The following ARSB variants were observed in gnomAD, a reference collection of about 807,000 sequenced individuals.
The protein encoded by ARSB is arylsulfatase B, also known as N-acetylgalactosamine-4-sulfatase.
A neutral mutation model predicts 50.9 loss-of-function variants in ARSB; 41 were observed. The observed-to-expected ratio is 0.81, with a 90% CI of 0.63 to 1.04. The LOEUF (loss-of-function observed/expected upper bound fraction) is 1.04, where lower values mean the gene tolerates loss of function less well. Among genes scored for constraint, ARSB ranks in the 50% least tolerant of loss-of-function variants. The pLI is 0.00. For missense variants in ARSB, 672 were observed against 693.3 expected (o/e 0.97, Z 0.35); for synonymous variants, 269 against 284.8 (o/e 0.94, Z 0.56).
chr5:78,890,594 A>G (rs1014533859), intron 4 of ARSB, among the ~76,000 whole-genome samples: 9 of 152,266 alleles, frequency 5.9e-5, no homozygotes, highest in Non-Finnish European at 1.0e-4. Context: ...AGTTCCCACC[A>G]GAGGTGTTTG....
intron 4 of ARSB, among the ~76,000 whole-genome samples, chr5:78,909,839 G>A (rs1304649102): frequency 6.6e-6 from 1 of 152,180 alleles, no homozygotes; most frequent in Non-Finnish European, 1.5e-5. Flanking sequence ...TTGCAGTTGA[G>A]ATAGAGGAAG....
chr5:78,898,836 T>C (rs964188930), intron 4 of ARSB, among the ~76,000 whole-genome samples: 5 of 152,240 alleles, frequency 3.3e-5, no homozygotes, highest in African/African-American at 9.6e-5. Flanking sequence ...TATGAGTGGA[T>C]TGCATACCAG....
At chr5:78,900,560 T>C (rs1748758348) in intron 4 of ARSB, among the ~76,000 whole-genome samples, 1 of 152,176 alleles carries the variant, frequency 6.6e-6, no homozygotes, top group South Asian at 2.1e-4. Context: ...CTCAAGGTTT[T>C]TCCACTTCTC....
At chr5:78,802,112 T>TTTTTTTTTTTTTTTTTTTGAGAC (rs1743416863) in intron 6 of ARSB, among the ~76,000 whole-genome samples, 1 of 152,060 alleles carries the variant, frequency 6.6e-6, no homozygotes, top group African/African-American at 2.4e-5. Flanking sequence ...CAAAGGTCTT[T>TTTTTTTTTTTTTTTTTTTGAGAC]GTGTTAGCTC....
At chr5:78,871,652 T>C (rs1473777314) in intron 5 of ARSB, among the ~76,000 whole-genome samples, 3 of 139,952 alleles carry the variant, frequency 2.1e-5, no homozygotes, top group South Asian at 2.5e-4. Context: ...TTACACCTTA[T>C]ACAAAAATCA....
At chr5:78,808,042 G>A (rs1319511960) in intron 6 of ARSB, among the ~76,000 whole-genome samples, 6 of 128,354 alleles carry the variant, frequency 4.7e-5, no homozygotes, top group East Asian at 4.6e-4. Context: ...GCAGTGAGCC[G>A]AGATCCCGCC....
rs57088170 is a variant in ARSB, at chr5:78,780,879, G to A, written c.1337-217C>T. Among the ~76,000 whole-genome samples, 7,027 of 152,180 alleles carry A rather than the reference G, an allele frequency of 0.046. 582 individuals carry two copies. The highest frequency in any genetic ancestry group is 0.16 in the African/African-American group (6,676 of 41,460). ...TTCACAAGCAAGGACACCCAGAAAC[G>A]TGTGTGCATGTGTGTATGTCCTTGT... is the stretch of plus-strand genomic sequence containing the variant. On this transcript the variant is annotated intron_variant, in intron 7 of 7. Coordinates refer to ENST00000264914, the MANE Select transcript of ARSB (RefSeq NM_000046.5).
chr5:78,907,910 A>G (rs1489505718), intron 4 of ARSB, among the ~76,000 whole-genome samples: 2 of 152,140 alleles, frequency 1.3e-5, no homozygotes, highest in Non-Finnish European at 2.9e-5. Flanking sequence ...GCCAGTTTTG[A>G]GCCCATCAGT....
intron 4 of ARSB, among the ~76,000 whole-genome samples, chr5:78,937,902 C>G (rs922761300): frequency 6.6e-6 from 1 of 152,118 alleles, no homozygotes; most frequent in Non-Finnish European, 1.5e-5. Flanking sequence ...GAGGATGATT[C>G]CATTTCCAGG....
intron 4 of ARSB, among the ~76,000 whole-genome samples, chr5:78,913,363 A>G (rs1334500615): frequency 6.6e-6 from 1 of 151,922 alleles, no homozygotes; most frequent in Admixed American, 6.6e-5. Flanking sequence ...TGACCTCGTG[A>G]TCCGCCCGCC....
At chr5:78,954,233 C>T (rs909589474) in intron 4 of ARSB, among the ~76,000 whole-genome samples, 1 of 151,918 alleles carries the variant, frequency 6.6e-6, no homozygotes, top group Non-Finnish European at 1.5e-5. Context: ...AAGAAAATTC[C>T]CCATAACAAA....
chr5:78,923,131 G>A (rs967056445), intron 4 of ARSB, among the ~76,000 whole-genome samples: 8 of 152,196 alleles, frequency 5.3e-5, no homozygotes, highest in African/African-American at 1.9e-4. Flanking sequence ...CAGGGAGGGA[G>A]GGAAAAAGCA....
intron 5 of ARSB, among the ~76,000 whole-genome samples, chr5:78,849,074 A>G (rs1475457346): frequency 1.3e-5 from 2 of 151,990 alleles, no homozygotes; most frequent in Non-Finnish European, 2.9e-5. Flanking sequence ...GTTTAATTAG[A>G]TCCCATTTGT....
Position 78,909,521 on chromosome 5 carries a change from T to C in ARSB, c.899-23694A>G, listed in dbSNP as rs371212504. Among the ~76,000 whole-genome samples, 94 of 152,300 alleles carry C rather than the reference T, an allele frequency of 6.2e-4. 3 individuals are homozygous for C. In the South Asian group the frequency reaches 0.016, roughly 25 times the overall value. ...CCCCAACCTTGAGCTCACAGAAACATGTGTTGTATGGAATCAAGGTTTAAG... is the reference window on the plus strand; with the variant it reads ...CCCCAACCTTGAGCTCACAGAAACACGTGTTGTATGGAATCAAGGTTTAAG... On this transcript the variant is annotated intron_variant, in intron 4 of 7. Transcript: ENST00000264914.
At chr5:78,980,056 A>T (rs1200466898) in intron 1 of ARSB, among the ~76,000 whole-genome samples, 1 of 152,258 alleles carries the variant, frequency 6.6e-6, no homozygotes, top group Non-Finnish European at 1.5e-5. Flanking sequence ...AAAGTCACAT[A>T]GATAATAAGA....
chr5:78,931,652 T>C (rs1454876353), intron 4 of ARSB, among the ~76,000 whole-genome samples: 1 of 144,686 alleles, frequency 6.9e-6, no homozygotes, highest in Non-Finnish European at 1.5e-5. Context: ...TAGAGAGTCA[T>C]GTTTTCACAT....
intron 3 of ARSB, among the ~76,000 whole-genome samples, chr5:78,963,982 A>T (rs1234168561): frequency 2.6e-5 from 4 of 152,204 alleles, no homozygotes; most frequent in Non-Finnish European, 5.9e-5. Flanking sequence ...CCTTAACCAA[A>T]AGTTTGTCAT....
At chr5:78,856,270 T>G (rs1035504285) in intron 5 of ARSB, among the ~76,000 whole-genome samples, 16 of 152,154 alleles carry the variant, frequency 1.1e-4, no homozygotes, top group African/African-American at 3.9e-4. Context: ...TCACCATATG[T>G]GATTACATGT....
At chr5:78,941,158 T>C (rs1750900269) in intron 4 of ARSB, among the ~76,000 whole-genome samples, 1 of 151,368 alleles carries the variant, frequency 6.6e-6, no homozygotes, top group Non-Finnish European at 1.5e-5. Context: ...TTGCTGAAGT[T>C]GCTTATCAGC....
Sources: allele counts gnomAD v4.1 joint callset (sites outside exome capture counted in the v4.1 genomes callset), GRCh38; gene constraint gnomAD v4.1.1; transcripts MANE v1.5; gene names NCBI Gene and HGNC (gene_info 2026-07-23, HGNC 2026-07-21).